C11orf97: variants seen among roughly 807,000 people sequenced by gnomAD.
C11orf97 encodes the protein chromosome 11 open reading frame 97.
Under a neutral mutation model 16.2 loss-of-function variants are expected in C11orf97, and 15 were observed. That is an observed-to-expected ratio of 0.93 (90% CI 0.62 to 1.43). The LOEUF (loss-of-function observed/expected upper bound fraction) is 1.43. Among genes scored for constraint, C11orf97 ranks in the 40% most tolerant of loss-of-function variants. The pLI, the probability that C11orf97 is intolerant of heterozygous loss-of-function variation, is 0.00. For synonymous variants in C11orf97, 61 were observed against 65.7 expected (o/e 0.93, Z 0.34); for missense variants, 171 against 161.2 (o/e 1.06, Z -0.33).
chr11:94,517,887 C>T (rs567660245), intron 2 of C11orf97, among the ~76,000 whole-genome samples, 200 bp downstream of exon 2: 3 of 151,982 alleles, frequency 2.0e-5, no homozygotes, highest in East Asian at 1.9e-4. Context: ...CGGTGGCTCA[C>T]GCCTGTAATC....
intron 2 of C11orf97, among the ~76,000 whole-genome samples, chr11:94,519,828 C>A (rs554659760): frequency 2.0e-4 from 30 of 152,324 alleles, no homozygotes; most frequent in African/African-American, 7.2e-4. Flanking sequence ...TACCATTGGC[C>A]AGAACAGAGA....
rs767952886 is a variant in C11orf97 at position 94,518,547 on chromosome 11, C to T, written c.250+860C>T. Among the ~76,000 whole-genome samples the T allele has an allele frequency of 5.3e-5, 8 of 152,094 alleles. No individual in the cohort carries two copies. The South Asian group carries it at 1.0e-3, about 20-fold the overall frequency. ...GTCAGATCATCCAAGGATTTCATCC[C>T]GTAGAGGATCTGAGCATTGATAGCT... is the stretch of plus-strand genomic sequence containing the variant. On this transcript the variant is annotated intron_variant, in intron 2 of 3. Coordinates refer to ENST00000542198, the MANE Select transcript of C11orf97 (RefSeq NM_001190462.2).
At position 94,527,566 on chromosome 11, in the gene C11orf97, A is replaced by C. The variant is rs1325570163; in HGVS notation, c.251-518A>C. ...CCAGGTATTTTGCAATGATTTTTAA[A>C]ATGTAGGATCCAGTGAGTTTATTGT... On this transcript the variant is annotated intron_variant, in intron 2 of 3. Transcript: ENST00000542198. 3.3e-5 allele frequency among the ~76,000 whole-genome samples: 5 copies of C among 152,334 alleles called. No homozygotes were observed. The East Asian group carries it at 9.6e-4, about 29-fold the overall frequency.
At position 94,528,068 on chromosome 11, in the gene C11orf97, T is replaced by TA; in HGVS notation, c.251-10dup. ...TACGCTAATAATTATTTTCTTGCCT[T>TA]AAAAAATATTGACAGTGGCCCTGGA... On this transcript the variant is annotated splice_polypyrimidine_tract_variant and intron_variant, in intron 2 of 3. Coordinates refer to ENST00000542198, the MANE Select transcript of C11orf97 (RefSeq NM_001190462.2). 6.6e-7 allele frequency: 1 copy of TA among 1,515,382 alleles called. No individual in the cohort carries two copies. The highest frequency in any genetic ancestry group is 8.8e-7 in the Non-Finnish European group (1 of 1,138,230). The allele number at this position is 1,515,382 out of a possible 1,614,324, so 93.9% of individuals were successfully genotyped here.
In C11orf97 at chr11:94,531,653, C is replaced by G. The variant is rs1013185439; in HGVS notation, c.377-243C>G. On this transcript the variant is annotated intron_variant, in intron 3 of 3. Transcript: ENST00000542198. ...TAGGTCTGGGGTGGGGTCTGAGATTCTGTATTTCCATCCAGCTCCCAGGTG... is the reference window on the plus strand; with the variant it reads ...TAGGTCTGGGGTGGGGTCTGAGATTGTGTATTTCCATCCAGCTCCCAGGTG... Among the ~76,000 whole-genome samples the G allele has an allele frequency of 2.6e-5, 4 of 151,318 alleles. No individual in the cohort carries two copies. The South Asian group carries it at 8.4e-4, about 32-fold the overall frequency.
intron 3 of C11orf97, 26 bp downstream of exon 3, chr11:94,528,235 C>T: frequency 6.6e-7 from 1 of 1,523,310 alleles, no homozygotes; most frequent in Non-Finnish European, 8.8e-7. Flanking sequence ...CCTTGACTTC[C>T]ACTGAAGCCC....
chr11:94,525,645 A>G (rs531301848), intron 2 of C11orf97, among the ~76,000 whole-genome samples: 29 of 152,356 alleles, frequency 1.9e-4, no homozygotes, highest in African/African-American at 5.0e-4. Flanking sequence ...CAAGACAATT[A>G]TAGAGCCTAG....
chr11:94,512,776 G>A, intron 1 of C11orf97, 103 bp downstream of exon 1: 1 of 1,180,686 alleles, frequency 8.5e-7, no homozygotes, highest in Non-Finnish European at 1.1e-6. Context: ...GAGAAGGTTT[G>A]GGGCAGGGGA....
At chr11:94,515,304 C>CA (rs1484280850) in intron 1 of C11orf97, among the ~76,000 whole-genome samples, 1 of 150,542 alleles carries the variant, frequency 6.6e-6, no homozygotes, top group Admixed American at 6.6e-5. Flanking sequence ...GGAAAAAAAA[C>CA]AAAAAACAAC....
chr11:94,520,455 C>T (rs953267937), intron 2 of C11orf97, among the ~76,000 whole-genome samples: 1 of 152,174 alleles, frequency 6.6e-6, no homozygotes, highest in Non-Finnish European at 1.5e-5. Flanking sequence ...GATATCTAGC[C>T]CTATTGGGCT....
intron 2 of C11orf97, 43 bp downstream of exon 2, chr11:94,517,730 G>A: frequency 7.8e-7 from 1 of 1,286,524 alleles, no homozygotes; most frequent in Non-Finnish European, 1.1e-6. Flanking sequence ...AAATGAATAT[G>A]AAATTGCCTA....
rs540832882 is a variant in C11orf97 at position 94,519,233 on chromosome 11, T to C, written c.250+1546T>C. 1.5e-4 allele frequency among the ~76,000 whole-genome samples: 23 copies of C among 152,238 alleles called. No individual in the cohort carries two copies. The South Asian group carries it at 4.8e-3, about 32-fold the overall frequency. ...CCACTTTACATTTCTAAAGCAGACA[T>C]AGAAACTCCTTTGGGTCTTCTCGTA... is the stretch of plus-strand genomic sequence containing the variant. On this transcript the variant is annotated intron_variant, in intron 2 of 3. Coordinates refer to ENST00000542198, the MANE Select transcript of C11orf97 (RefSeq NM_001190462.2).
chr11:94,517,432 C>A, intron 1 of C11orf97, 151 bp from the exon 2 acceptor site: 1 of 410,620 alleles, frequency 2.4e-6, no homozygotes, highest in Non-Finnish European at 4.2e-6. Context: ...TGGAAGAGAT[C>A]TTTCCAAGAT....
intron 2 of C11orf97, among the ~76,000 whole-genome samples, chr11:94,519,796 T>C (rs866453485): frequency 6.6e-6 from 1 of 152,262 alleles, no homozygotes; most frequent in African/African-American, 2.4e-5. Context: ...TTTTAAAATA[T>C]ATATCATGGC....
At chr11:94,516,456 T>C (rs1329592761) in intron 1 of C11orf97, among the ~76,000 whole-genome samples, 1 of 152,222 alleles carries the variant, frequency 6.6e-6, no homozygotes, top group African/African-American at 2.4e-5. Flanking sequence ...AGAGCTCCAA[T>C]TTATCAGTGC....
chr11:94,520,696 CA>C (rs1380100573), intron 2 of C11orf97, among the ~76,000 whole-genome samples: 2 of 152,198 alleles, frequency 1.3e-5, no homozygotes, highest in Non-Finnish European at 2.9e-5. Context: ...TCCAGTCTAT[CA>C]GCCAATCCTT....
chr11:94,531,526 C>CAAAAAAAAA (rs35270400), intron 3 of C11orf97, among the ~76,000 whole-genome samples: 1 of 92,076 alleles, frequency 1.1e-5, no homozygotes, highest in Non-Finnish European at 2.1e-5. Flanking sequence ...CAAAACAAGC[C>CAAAAAAAAA]AAAAAAAAAA....
At chr11:94,527,521 C>G (rs1321868013) in intron 2 of C11orf97, among the ~76,000 whole-genome samples, 1 of 152,206 alleles carries the variant, frequency 6.6e-6, no homozygotes, top group Non-Finnish European at 1.5e-5. Context: ...CTATAATTAT[C>G]AATGGGCAAA....
chr11:94,512,675 T>G lies in C11orf97; in HGVS notation c.145+2T>G. ...GCCCCCTAGAGCACGGCCAGCAGTGTGAGTTCAGCTCCAGCCGCGGACGCT... is the reference window on the plus strand; with the variant it reads ...GCCCCCTAGAGCACGGCCAGCAGTGGGAGTTCAGCTCCAGCCGCGGACGCT... On this transcript the variant is annotated splice_donor_variant, in intron 1 of 3. Transcript: ENST00000542198. LOFTEE classifies it high-confidence loss of function. The G allele has an allele frequency of 8.1e-7, 1 of 1,238,576 alleles. No individual in the cohort carries two copies. The highest frequency in any genetic ancestry group is 1.0e-6 in the Non-Finnish European group (1 of 991,018). The allele number at this position is 1,238,576 out of a possible 1,614,324, so 76.7% of individuals were successfully genotyped here. A position where few individuals can be genotyped will look rare whatever the true frequency, so the allele number is the denominator to read the frequency against.
Sources: gnomAD v4.1 joint callset for allele counts (sites outside exome capture counted in the v4.1 genomes callset) on GRCh38, gnomAD v4.1.1 for gene constraint, MANE v1.5 for transcripts, NCBI Gene and HGNC (gene_info 2026-07-23, HGNC 2026-07-21) for gene names.